Variants in SCHIP1 observed in about 807,000 individuals in gnomAD.
SCHIP1 encodes schwannomin-interacting protein 1.
In SCHIP1, 8 loss-of-function variants were observed where a neutral mutation model predicts 29.7. The observed-to-expected ratio is 0.27, with a 90% CI of 0.16 to 0.49. The LOEUF is 0.49. SCHIP1 is among the 20% of genes least tolerant of loss of function. The probability of loss-of-function intolerance (pLI) is 0.99; values close to 1 mark genes in which losing one functional copy is unlikely to be tolerated. For missense variants in SCHIP1, 193 were observed against 294.6 expected, an observed-to-expected ratio of 0.66 and a Z score of 2.52; for synonymous variants, 76 against 94.9, an observed-to-expected ratio of 0.80 and a Z score of 1.16.
the SCHIP1 span, among the ~76,000 whole-genome samples, chr3:159,400,036 GC>G: frequency 6.6e-6 from 1 of 152,190 alleles, no homozygotes; most frequent in African/African-American, 2.4e-5. Flanking sequence ...TGCTTATCAA[GC>G]TTCCACTAAT....
the SCHIP1 span, among the ~76,000 whole-genome samples, chr3:159,476,169 T>G: frequency 1.3e-5 from 2 of 152,196 alleles, no homozygotes; most frequent in African/African-American, 4.8e-5. Context: ...CCATTCAAAA[T>G]GACTTTACAG....
At chr3:159,535,374 G>A in the SCHIP1 span, among the ~76,000 whole-genome samples, 1 of 152,038 alleles carries the variant, frequency 6.6e-6, no homozygotes, top group Non-Finnish European at 1.5e-5. Flanking sequence ...CTGGAAACTG[G>A]GTCAGCTTGA....
chr3:159,663,272 G>A, the SCHIP1 span, among the ~76,000 whole-genome samples: 1 of 152,184 alleles, frequency 6.6e-6, no homozygotes, highest in East Asian at 1.9e-4. Context: ...GCAGGACTTT[G>A]AAAAGCCTGA....
the SCHIP1 span, among the ~76,000 whole-genome samples, chr3:159,496,729 A>G: frequency 1.3e-5 from 2 of 152,192 alleles, no homozygotes. Flanking sequence ...TAGAAATACC[A>G]TTTGACCCAG....
chr3:159,744,878 G>C, the SCHIP1 span, among the ~76,000 whole-genome samples: 1 of 152,138 alleles, frequency 6.6e-6, no homozygotes, highest in Non-Finnish European at 1.5e-5. Flanking sequence ...CCAGCTACTC[G>C]GGAGGCTGAG....
At chr3:159,445,296 T>G in the SCHIP1 span, among the ~76,000 whole-genome samples, 1 of 151,690 alleles carries the variant, frequency 6.6e-6, no homozygotes. Flanking sequence ...TCACTGGCCA[T>G]CAGAGAAATG....
At chr3:159,297,126 T>TTGTGTGTGTGTGTGTG in the SCHIP1 span, among the ~76,000 whole-genome samples, 4 of 143,376 alleles carry the variant, frequency 2.8e-5, no homozygotes, top group African/African-American at 1.0e-4. Context: ...TAATATTCCA[T>TTGTGTGTGTGTGTGTG]TGTGTGTGTG....
chr3:159,514,372 A>G, the SCHIP1 span, among the ~76,000 whole-genome samples: 1 of 152,224 alleles, frequency 6.6e-6, no homozygotes, highest in Non-Finnish European at 1.5e-5. Context: ...TTCCTGAAAG[A>G]AATTACCTAT....
chr3:159,406,260 T>C, the SCHIP1 span, among the ~76,000 whole-genome samples: 1 of 152,090 alleles, frequency 6.6e-6, no homozygotes, highest in Non-Finnish European at 1.5e-5. Context: ...CGAGCTCCAA[T>C]GTGTCTGACA....
intron 2 of SCHIP1, among the ~76,000 whole-genome samples, chr3:159,875,341 T>C (rs1488628192): frequency 6.6e-6 from 1 of 152,212 alleles, no homozygotes. Context: ...GCTAGAGGCA[T>C]AACCAGCTGT....
chr3:159,721,043 G>C, the SCHIP1 span, among the ~76,000 whole-genome samples: 3 of 152,166 alleles, frequency 2.0e-5, no homozygotes, highest in East Asian at 5.8e-4. Context: ...GAAAATACCA[G>C]TATTGCTTTG....
the SCHIP1 span, among the ~76,000 whole-genome samples, chr3:159,783,502 C>T: frequency 1.3e-5 from 2 of 152,352 alleles, no homozygotes; most frequent in Admixed American, 1.3e-4. Flanking sequence ...AACTTTCCAC[C>T]AGTCCTAAAA....
the SCHIP1 span, among the ~76,000 whole-genome samples, chr3:159,492,177 T>C: frequency 6.6e-6 from 1 of 151,918 alleles, no homozygotes; most frequent in African/African-American, 2.4e-5. Flanking sequence ...AACCGGAAAC[T>C]CTAAAAATCA....
chr3:159,377,644 T>A, the SCHIP1 span, among the ~76,000 whole-genome samples: 2 of 152,184 alleles, frequency 1.3e-5, no homozygotes, highest in East Asian at 3.9e-4. Context: ...GGATTGTGAA[T>A]CCTTTACATT....
chr3:159,341,225 C>T, the SCHIP1 span, among the ~76,000 whole-genome samples: 12 of 150,736 alleles, frequency 8.0e-5, no homozygotes, highest in Admixed American at 6.6e-4. Flanking sequence ...GAAGTGCTGC[C>T]GCCTTACTGC....
At chr3:159,386,907 T>TC in the SCHIP1 span, 2 of 155,462 alleles carry the variant, frequency 1.3e-5, no homozygotes, top group Admixed American at 1.3e-4. Flanking sequence ...GGAGATGGCA[T>TC]CAAAGGTAGC....
At chr3:159,415,378 A>T in the SCHIP1 span, among the ~76,000 whole-genome samples, 2 of 152,162 alleles carry the variant, frequency 1.3e-5, no homozygotes, top group East Asian at 3.9e-4. Context: ...GGTTTGTTGT[A>T]TAAATTGTTT....
the SCHIP1 span, among the ~76,000 whole-genome samples, chr3:159,720,375 A>T: frequency 1.3e-4 from 20 of 151,998 alleles, no homozygotes; most frequent in African/African-American, 3.6e-4. Flanking sequence ...CCTAGAACTT[A>T]AAGTATAAAA....
chr3:159,348,922 A>G, the SCHIP1 span, among the ~76,000 whole-genome samples: 1 of 152,186 alleles, frequency 6.6e-6, no homozygotes, highest in Non-Finnish European at 1.5e-5. Context: ...TCCATAAGGA[A>G]TGAGTATTCA....
Sources: gnomAD v4.1 joint callset for allele counts (sites outside exome capture counted in the v4.1 genomes callset) on GRCh38, gnomAD v4.1.1 for gene constraint, MANE v1.5 for transcripts, NCBI Gene and HGNC (gene_info 2026-07-23, HGNC 2026-07-21) for gene names.